KATNIP: variants seen among roughly 807,000 people sequenced by gnomAD.
KATNIP encodes the protein katanin-interacting protein.
A neutral mutation model predicts 174.0 loss-of-function variants in KATNIP; 126 were observed. That is an observed-to-expected ratio of 0.72 (90% CI 0.63 to 0.84). The LOEUF (loss-of-function observed/expected upper bound fraction) is 0.84, where lower values mean the gene tolerates loss of function less well. Ranked by LOEUF, KATNIP falls within the 40% of genes least tolerant of loss-of-function variation. KATNIP has a pLI of 0.00. For missense variants in KATNIP, 1,958 were observed against 2,109.7 expected (o/e 0.93, Z 1.41); for synonymous variants, 810 against 835.7 (o/e 0.97, Z 0.53).
chr16:27,653,230 C>T (rs994685552), intron 6 of KATNIP, among the ~76,000 whole-genome samples: 3 of 152,150 alleles, frequency 2.0e-5, no homozygotes, highest in African/African-American at 7.2e-5. Context: ...TCCCTGAGAG[C>T]GTGATACGTG....
intron 1 of KATNIP, among the ~76,000 whole-genome samples, chr16:27,554,388 C>T (rs2089522784): frequency 1.3e-5 from 2 of 151,998 alleles, no homozygotes; most frequent in African/African-American, 2.4e-5. Flanking sequence ...TCGCTTGAAC[C>T]CAGGAGGCAG....
At chr16:27,663,290 C>A (rs1044971378) in intron 6 of KATNIP, among the ~76,000 whole-genome samples, 12 of 150,790 alleles carry the variant, frequency 8.0e-5, no homozygotes, top group Admixed American at 7.3e-4. Context: ...ACCCACCACA[C>A]CTGGCCCATT....
chr16:27,583,354 A>C (rs2090768122), intron 2 of KATNIP, among the ~76,000 whole-genome samples: 1 of 152,172 alleles, frequency 6.6e-6, no homozygotes, highest in Non-Finnish European at 1.5e-5. Flanking sequence ...GATCTTAGGC[A>C]TGAAATAGCC....
Position 27,778,788 on chromosome 16 carries a change from G to A in KATNIP, c.*159G>A, listed in dbSNP as rs890649915. On this transcript the variant is annotated 3_prime_UTR_variant, in exon 28 of 28. Transcript: ENST00000261588. Reference sequence around the variant, plus strand: ...GAGGGGACTCGGGAGGACAGCCCTGGATACTACCAGAGTGACAGATGGCTG... The same window carrying A: ...GAGGGGACTCGGGAGGACAGCCCTGAATACTACCAGAGTGACAGATGGCTG... The A allele has an allele frequency of 1.3e-5, 8 of 614,900 alleles. 1 individual carries two copies. The South Asian group carries it at 1.6e-4, about 12-fold the overall frequency. The allele number at this position is 614,900 out of a possible 1,614,324, so 38.1% of individuals were successfully genotyped here.
chr16:27,569,784 G>A (rs2090219719), intron 1 of KATNIP, among the ~76,000 whole-genome samples: 1 of 152,190 alleles, frequency 6.6e-6, no homozygotes, highest in Non-Finnish European at 1.5e-5. Flanking sequence ...GATAATAAAT[G>A]CTCTTAATTG....
At chr16:27,714,013 C>T (rs1385130407) in intron 13 of KATNIP, among the ~76,000 whole-genome samples, 1 of 151,342 alleles carries the variant, frequency 6.6e-6, no homozygotes, top group Non-Finnish European at 1.5e-5. Flanking sequence ...CCCCGCCTCA[C>T]ACCCAGGCTC....
At chr16:27,688,590 C>T (rs939130579) in intron 8 of KATNIP, among the ~76,000 whole-genome samples, 1 of 152,162 alleles carries the variant, frequency 6.6e-6, no homozygotes, top group African/African-American at 2.4e-5. Context: ...GACTCCGTCT[C>T]AATAAGTAAA....
intron 18 of KATNIP, among the ~76,000 whole-genome samples, chr16:27,759,017 G>A (rs1041769785): frequency 6.6e-6 from 1 of 152,222 alleles, no homozygotes; most frequent in East Asian, 1.9e-4. Context: ...TGACTGTGAA[G>A]TTGGTAAAAC....
At chr16:27,711,691 G>A (rs563302093) in intron 13 of KATNIP, among the ~76,000 whole-genome samples, 192 of 152,332 alleles carry the variant, frequency 1.3e-3, no homozygotes, top group Middle Eastern at 6.8e-3. Context: ...TAGAAAAGGT[G>A]TAATATATGT....
intron 14 of KATNIP, among the ~76,000 whole-genome samples, chr16:27,729,843 T>C (rs978386039): frequency 1.3e-5 from 2 of 152,224 alleles, no homozygotes; most frequent in Non-Finnish European, 2.9e-5. Flanking sequence ...CAGTTCTATT[T>C]CCAAAACTAG....
chr16:27,591,055 G>A (rs928031925), intron 2 of KATNIP, among the ~76,000 whole-genome samples: 1 of 152,168 alleles, frequency 6.6e-6, no homozygotes, highest in African/African-American at 2.4e-5. Flanking sequence ...GACTTCCTGT[G>A]TGAGTTTTCA....
At position 27,740,233 on chromosome 16, in the gene KATNIP, ATGGC is replaced by A; in HGVS notation, c.1940_1943del (p.Ala647ValfsTer19). 1 of 1,614,230 alleles carries A rather than the reference ATGGC, an allele frequency of 6.2e-7. No individual in the cohort carries two copies. The highest frequency in any genetic ancestry group is 8.5e-7 in the Non-Finnish European group (1 of 1,180,036). Reference sequence around the variant, plus strand: ...GGAAGAAAGCAAAGGCACCCATGAGATGGCTGGTGCCAGCGGGGACAAGGAGCTT... The same window carrying A: ...GGAAGAAAGCAAAGGCACCCATGAGATGGTGCCAGCGGGGACAAGGAGCTT... On this transcript the variant is annotated frameshift_variant, in exon 15 of 28. Transcript: ENST00000261588. LOFTEE classifies it high-confidence loss of function.
At chr16:27,766,505 C>G in intron 20 of KATNIP, 31 bp downstream of exon 20, 1 of 1,594,356 alleles carries the variant, frequency 6.3e-7, no homozygotes, top group Non-Finnish European at 8.5e-7. Flanking sequence ...CGTGCTCAGT[C>G]CAGCATCAGG....
At chr16:27,727,495 T>G (rs977743165) in intron 14 of KATNIP, 1 of 152,372 alleles carries the variant, frequency 6.6e-6, no homozygotes, top group African/African-American at 2.4e-5. Flanking sequence ...AAGACTACTC[T>G]GGTTGATTTG....
intron 23 of KATNIP, 76 bp downstream of exon 23, chr16:27,773,285 C>T: frequency 9.9e-7 from 1 of 1,007,828 alleles, no homozygotes; most frequent in South Asian, 1.5e-5. Context: ...GGGCAGAAGC[C>T]TTGTGTGCAG....
chr16:27,751,599 C>T, intron 16 of KATNIP, 120 bp from the exon 17 acceptor site: 1 of 853,258 alleles, frequency 1.2e-6, no homozygotes, highest in Non-Finnish European at 1.9e-6. Context: ...TCACACTAAT[C>T]AATACCAGTT....
chr16:27,598,367 C>T (rs1174109337), intron 2 of KATNIP, among the ~76,000 whole-genome samples: 3 of 152,210 alleles, frequency 2.0e-5, no homozygotes, highest in East Asian at 3.8e-4. Flanking sequence ...CGTCTCTCTC[C>T]TGTCTGCACA....
intron 2 of KATNIP, among the ~76,000 whole-genome samples, chr16:27,591,365 A>G (rs968708252): frequency 3.3e-5 from 5 of 152,034 alleles, no homozygotes; most frequent in Admixed American, 3.3e-4. Flanking sequence ...TTGTATTTTT[A>G]GTGCAGATGT....
chr16:27,763,977 A>G (rs191022844), intron 19 of KATNIP, among the ~76,000 whole-genome samples: 1 of 152,310 alleles, frequency 6.6e-6, no homozygotes, highest in Admixed American at 6.5e-5. Context: ...TTTGACTACT[A>G]GGGCAAGATG....
Sources: gnomAD v4.1 joint callset for allele counts (sites outside exome capture counted in the v4.1 genomes callset) on GRCh38, gnomAD v4.1.1 for gene constraint, MANE v1.5 for transcripts, NCBI Gene and HGNC (gene_info 2026-07-23, HGNC 2026-07-21) for gene names.